Variants in LYST observed in about 807,000 individuals in gnomAD.
LYST encodes the protein lysosomal-trafficking regulator.
LYST carries 192 observed loss-of-function variants against 413.6 expected under a neutral mutation model. The observed-to-expected ratio is 0.46, with a 90% CI of 0.41 to 0.52. The LOEUF (loss-of-function observed/expected upper bound fraction) is 0.52, where lower values mean the gene tolerates loss of function less well. Among genes scored for constraint, LYST ranks in the 20% least tolerant of loss-of-function variants. LYST has a pLI of 0.00. For missense variants in LYST, 3,815 were observed against 4,499.9 expected (o/e 0.85, Z 4.35); for synonymous variants, 1,525 against 1,567.3 (o/e 0.97, Z 0.64).
intron 45 of LYST, among the ~76,000 whole-genome samples, chr1:235,698,817 A>G (rs139266532): frequency 0.021 from 3,170 of 152,132 alleles, 49 homozygotes; most frequent in Middle Eastern, 0.034. Context: ...AGCTTGCAGT[A>G]AGCCGAGATC....
At chr1:235,849,402 C>G (rs192741849) in intron 1 of LYST, among the ~76,000 whole-genome samples, 452 of 152,188 alleles carry the variant, frequency 3.0e-3, no homozygotes, top group Non-Finnish European at 5.5e-3. Flanking sequence ...AAACCCACAG[C>G]CAACATAATA....
chr1:235,695,969 A>C (rs1330365903), intron 46 of LYST, among the ~76,000 whole-genome samples: 22 of 152,168 alleles, frequency 1.4e-4, no homozygotes, highest in Non-Finnish European at 2.8e-4. Context: ...TAAATAATTC[A>C]CACATGTTGG....
chr1:235,770,637 T>C (rs1453387403), intron 19 of LYST, among the ~76,000 whole-genome samples: 1 of 152,198 alleles, frequency 6.6e-6, no homozygotes, highest in Non-Finnish European at 1.5e-5. Flanking sequence ...TTTAAATAAT[T>C]TATGTTCAAA....
intron 1 of LYST, among the ~76,000 whole-genome samples, chr1:235,838,166 G>C (rs1357902301): frequency 2.0e-5 from 3 of 152,184 alleles, no homozygotes; most frequent in African/African-American, 7.2e-5. Context: ...TAAACAGCAA[G>C]ACTGCCAGCT....
Position 235,809,903 on chromosome 1 carries a change from G to A in LYST, c.915C>T (p.Asn305=), listed in dbSNP as rs1673273626. ...GFGDCCSLSD[N]LESRVVSAGW... ...CTGCAGAAACTACTCGACTCTCCAA[G>A]TTGTCGCTCAGACTGCAGCAGTCCC... is the stretch of plus-strand genomic sequence containing the variant. Residue 305 remains asparagine, a synonymous_variant, in exon 5 of 53, where the codon AAC becomes AAT. Transcript: ENST00000389793. The surrounding 1 kb of genome is among the most constrained non-coding windows in gnomAD (Gnocchi z 4.0). 1 of 1,613,918 alleles carries A rather than the reference G, an allele frequency of 6.2e-7. No homozygotes were observed. Among genetic ancestry groups the A allele is most frequent in the South Asian group, 1.1e-5 (1 of 91,088 alleles).
At chr1:235,709,522 T>C (rs1035683051) in intron 43 of LYST, among the ~76,000 whole-genome samples, 1 of 142,730 alleles carries the variant, frequency 7.0e-6, no homozygotes, top group Non-Finnish European at 1.5e-5. Context: ...CTATCATAAT[T>C]AAATTTGAGA....
Position 235,830,619 on chromosome 1 carries a change from G to T in LYST, c.-7-195C>A, listed in dbSNP as rs115053004. On this transcript the variant is annotated intron_variant, in intron 2 of 52. Coordinates refer to ENST00000389793, the MANE Select transcript of LYST (RefSeq NM_000081.4). ...CTTCTTAAATAATTCCTTCCATGGC[G>T]AAATGAGTCCCAGGCTTGAAATACC... is the stretch of plus-strand genomic sequence containing the variant. Among the ~76,000 whole-genome samples the T allele has an allele frequency of 4.2e-3, 642 of 152,164 alleles. 7 individuals are homozygous for T. The highest frequency in any genetic ancestry group is 0.013 in the African/African-American group (559 of 41,512).
chr1:235,857,498 TAGA>T (rs1419318022), intron 1 of LYST, among the ~76,000 whole-genome samples: 1 of 151,754 alleles, frequency 6.6e-6, no homozygotes, highest in Admixed American at 6.6e-5. Flanking sequence ...AGCTTAGAAA[TAGA>T]TGAGATCATC....
rs1460793252 is a variant in LYST at position 235,759,217 on chromosome 1, C to G, written c.6636G>C (p.Arg2212Ser). 1.2e-6 allele frequency: 2 copies of G among 1,614,176 alleles called. No individual in the cohort carries two copies. The highest frequency in any genetic ancestry group is 1.7e-6 in the Non-Finnish European group (2 of 1,180,020). ...CATCCCCAGGACTGTCATCTTCTGA[C>G]CTGGGTTCTGCTCCCAACTGTTTAT... The part of the protein sequence containing the change: ...ADHKQLGAEP[R>S]SEDDSPGDES... Residue 2212 changes from arginine to serine, a missense_variant, in exon 23 of 53, where the codon AGG (arginine) becomes AGC (serine). Transcript: ENST00000389793.
chr1:235,697,580 CCTAAA>C (rs1206130651), intron 45 of LYST, among the ~76,000 whole-genome samples: 6 of 152,174 alleles, frequency 3.9e-5, no homozygotes, highest in Middle Eastern at 3.4e-3. Context: ...AGTTGAAATA[CCTAAA>C]CTAAAGTTGA....
Position 235,730,911 on chromosome 1 carries a change from C to T in LYST, c.8980G>A (p.Glu2994Lys), listed in dbSNP as rs770843989. ...VVKPPLSYLF[E>K]DKTHSSFSST... ...GAGAAAGAAGAATGAGTTTTGTCTT[C>T]AAACAGGTAAGAGAGTGGTGGTTTG... The change falls in exon 36 of 53, where the codon GAA becomes AAA. Residue 2994 changes from glutamate (E) to lysine (K), a missense_variant. This residue lies in a region of LYST where 866 missense variants were observed against 1,156.0 expected (regional missense o/e 0.75). Transcript: ENST00000389793. The T allele has an allele frequency of 7.4e-5, 119 of 1,613,492 alleles. 1 individual carries two copies. The highest frequency in any genetic ancestry group is 9.4e-5 in the Non-Finnish European group (111 of 1,179,662).
At chr1:235,744,862 T>C (rs1320225394) in intron 29 of LYST, among the ~76,000 whole-genome samples, 1 of 140,598 alleles carries the variant, frequency 7.1e-6, no homozygotes, top group Non-Finnish European at 1.5e-5. Context: ...ATCATACCAC[T>C]AGCCTTGGTG....
rs541207027 is a variant in LYST at position 235,755,338 on chromosome 1, G to A, written c.7229+140C>T. The A allele has an allele frequency of 7.9e-4, 616 of 778,692 alleles. 4 individuals carry two copies. In the African/African-American group the frequency reaches 9.7e-3, roughly 12 times the overall value. 48.2% of individuals were successfully genotyped at this position (778,692 alleles called of 1,614,324 possible). A position where few individuals can be genotyped will look rare whatever the true frequency, so the allele number is the denominator to read the frequency against. ...TGGGAGGCGGAAGTTGCAGTGAGCC[G>A]AGATTGCACCATTGCACTCCAGCCT... On this transcript the variant is annotated intron_variant, in intron 25 of 52. Transcript: ENST00000389793.
At chr1:235,716,903 T>A in intron 40 of LYST, 125 bp from the exon 41 acceptor site, 1 of 627,786 alleles carries the variant, frequency 1.6e-6, no homozygotes, top group South Asian at 2.0e-5. Context: ...TTTCTCTGCT[T>A]AAACATATTG....
rs745953829 is a variant in LYST, at chr1:235,809,404, G to T, written c.1414C>A (p.Leu472Ile). The change falls in exon 5 of 53, where the codon CTA (leucine) becomes ATA (isoleucine). Residue 472 changes from leucine (L) to isoleucine (I), a missense_variant. Physicochemically the swap from Leu to Ile is conservative, Grantham distance 5. Transcript: ENST00000389793. This position sits in a 1 kb window ranked among gnomAD's most constrained non-coding sequence, Gnocchi z 4.0. ...ATTATTTTCATCACACTATTTATTA[G>T]GGCTTTCAAATGCTCTGAGGCCTCG... Reference protein sequence around the residue: ...PPEASEHLKALINSVMKIMST... With the variant: ...PPEASEHLKAIINSVMKIMST... The T allele has an allele frequency of 6.2e-7, 1 of 1,613,636 alleles. No homozygotes were observed. The highest frequency in any genetic ancestry group is 1.3e-5 in the African/African-American group (1 of 74,842).
Position 235,759,223 on chromosome 1 carries a change from T to C in LYST, c.6630A>G (p.Glu2210=), listed in dbSNP as rs34466404. Residue 2210 remains glutamate (E), a synonymous_variant, in exon 23 of 53, where the codon GAA becomes GAG. Coordinates refer to ENST00000389793, the MANE Select transcript of LYST (RefSeq NM_000081.4). ...VKADHKQLGA[E]PRSEDDSPGD... is the part of the protein sequence containing the mutation. ...CAGGACTGTCATCTTCTGACCTGGG[T>C]TCTGCTCCCAACTGTTTATGATCTG... The C allele has an allele frequency of 0.01, 16,602 of 1,614,094 alleles. 1,385 individuals carry two copies. In the African/African-American group the frequency reaches 0.19, roughly 18 times the overall value.
intron 1 of LYST, among the ~76,000 whole-genome samples, chr1:235,877,447 G>A (rs1014424681): frequency 3.9e-5 from 6 of 152,068 alleles, no homozygotes; most frequent in East Asian, 1.9e-4. Flanking sequence ...TGCTCTTGTC[G>A]CCCAGGCTGG....
intron 40 of LYST, among the ~76,000 whole-genome samples, chr1:235,719,627 TAA>T (rs35578758): frequency 1.5e-5 from 2 of 136,980 alleles, no homozygotes; most frequent in Middle Eastern, 3.6e-3. Flanking sequence ...TGCAGAATGA[TAA>T]AAAAAAAAAA....
At chr1:235,701,372 G>A (rs891047506) in intron 45 of LYST, among the ~76,000 whole-genome samples, 5 of 152,200 alleles carry the variant, frequency 3.3e-5, no homozygotes, top group Non-Finnish European at 7.3e-5. Context: ...GCTCGCATCT[G>A]TAATCCCAGC....
Sources: allele counts gnomAD v4.1 joint callset (sites outside exome capture counted in the v4.1 genomes callset), GRCh38; gene constraint gnomAD v4.1.1; regional missense constraint gnomAD v4.1.1; non-coding constraint Gnocchi (gnomAD v3.1); transcripts MANE v1.5; gene names NCBI Gene and HGNC (gene_info 2026-07-23, HGNC 2026-07-21).